ENPP3: variants seen among roughly 807,000 people sequenced by gnomAD.
ENPP3 encodes ectonucleotide pyrophosphatase/phosphodiesterase 3, also known as ectonucleotide pyrophosphatase/phosphodiesterase family member 3.
ENPP3 carries 104 observed loss-of-function variants against 117.8 expected under a neutral mutation model. That is an observed-to-expected ratio of 0.88 (90% CI 0.75 to 1.04). The LOEUF (loss-of-function observed/expected upper bound fraction) is 1.04, where lower values mean the gene tolerates loss of function less well. ENPP3 is among the 50% of genes least tolerant of loss of function. The pLI, the probability that ENPP3 is intolerant of heterozygous loss-of-function variation, is 0.00. For synonymous variants in ENPP3, 380 were observed against 349.9 expected, an observed-to-expected ratio of 1.09 and a Z score of -0.96; for missense variants, 1,026 against 1,051.9, an observed-to-expected ratio of 0.98 and a Z score of 0.34.
intron 2 of ENPP3, chr6:131,642,966 T>C (rs560942195): frequency 2.6e-5 from 4 of 152,302 alleles, no homozygotes; most frequent in African/African-American, 9.6e-5. Context: ...TGCACAAAGC[T>C]CTGGCCCCAT....
At chr6:131,691,732 C>G (rs1230018788) in intron 14 of ENPP3, among the ~76,000 whole-genome samples, 1 of 152,158 alleles carries the variant, frequency 6.6e-6, no homozygotes, top group Non-Finnish European at 1.5e-5. Context: ...TGGATTTACT[C>G]TGGCTACACA....
chr6:131,693,120 C>T (rs895347423), intron 14 of ENPP3, among the ~76,000 whole-genome samples: 11 of 143,186 alleles, frequency 7.7e-5, no homozygotes, highest in South Asian at 2.2e-4. Context: ...TGGTTATATA[C>T]ACACACACAC....
intron 14 of ENPP3, among the ~76,000 whole-genome samples, chr6:131,689,345 C>G (rs948826907): frequency 6.6e-6 from 1 of 152,050 alleles, no homozygotes; most frequent in African/African-American, 2.4e-5. Context: ...TTTTTAGGGG[C>G]TAATGCAGCT....
intron 15 of ENPP3, chr6:131,700,213 A>T: frequency 1.6e-5 from 2 of 126,836 alleles, no homozygotes; most frequent in Non-Finnish European, 1.3e-5. Flanking sequence ...GCTAATGAGG[A>T]TATTGTAAGG....
At chr6:131,682,337 T>C (rs1265755241) in intron 11 of ENPP3, among the ~76,000 whole-genome samples, 1 of 151,722 alleles carries the variant, frequency 6.6e-6, no homozygotes, top group East Asian at 2.0e-4. Flanking sequence ...CTACAAAAAA[T>C]TAAAGAATTA....
intron 12 of ENPP3, among the ~76,000 whole-genome samples, chr6:131,683,668 T>C (rs898981234): frequency 3.3e-5 from 5 of 151,954 alleles, no homozygotes; most frequent in Non-Finnish European, 7.4e-5. Context: ...TTAAAGGAAG[T>C]GAAACAGTGG....
Position 131,685,457 on chromosome 6 carries a change from G to T in ENPP3, c.1214G>T (p.Arg405Leu). The change falls in exon 13 of 25, where the codon CGC (arginine) becomes CTC (leucine). Residue 405 changes from arginine to leucine, a missense_variant. Coordinates refer to ENST00000357639, the MANE Select transcript of ENPP3 (RefSeq NM_005021.5). ...FFYMYEGPAP[R>L]IRAHNIPHDF... is the part of the protein sequence containing the mutation. ...TACATGTACGAAGGGCCTGCCCCCCGCATCCGAGCTCATAATATACCTCAT... is the reference window on the plus strand; with the variant it reads ...TACATGTACGAAGGGCCTGCCCCCCTCATCCGAGCTCATAATATACCTCAT... The T allele has an allele frequency of 3.1e-6, 5 of 1,613,710 alleles. No homozygotes were observed. Among genetic ancestry groups the T allele is most frequent in the Non-Finnish European group, 4.2e-6 (5 of 1,179,834 alleles).
In ENPP3 at chr6:131,737,427, T is replaced by A; in HGVS notation, c.2162T>A (p.Phe721Tyr). ...AATTTGGTACCTATGTATGAAGAAT[T>A]CAGAAGTAAGTATGAATTTAGAGTA... Reference protein sequence around the residue: ...TSNLVPMYEEFRKMWDYFHSV... With the variant: ...TSNLVPMYEEYRKMWDYFHSV... The change falls in exon 22 of 25, where the codon TTC (phenylalanine) becomes TAC (tyrosine). Residue 721 changes from phenylalanine (F) to tyrosine (Y), a missense_variant. Transcript: ENST00000357639. 1 of 1,542,816 alleles carries A rather than the reference T, an allele frequency of 6.5e-7. No individual in the cohort carries two copies. Among genetic ancestry groups the A allele is most frequent in the Non-Finnish European group, 9.0e-7 (1 of 1,117,312 alleles).
chr6:131,699,312 A>G (rs1306118642), intron 15 of ENPP3, among the ~76,000 whole-genome samples: 34 of 150,464 alleles, frequency 2.3e-4, no homozygotes, highest in African/African-American at 7.4e-4. Flanking sequence ...ACACTGAGTT[A>G]TTGTGTAAAA....
chr6:131,676,860 A>ATTT, intron 10 of ENPP3, 59 bp downstream of exon 10: 1 of 1,138,636 alleles, frequency 8.8e-7, no homozygotes, highest in African/African-American at 1.6e-5. Context: ...TAAAAAATGA[A>ATTT]GTTTTTTTTT....
At chr6:131,720,147 T>G (rs553483545) in intron 16 of ENPP3, 145 bp from the exon 17 acceptor site, 1 of 529,806 alleles carries the variant, frequency 1.9e-6, no homozygotes. Flanking sequence ...AATATGAAAA[T>G]CATTTTCAAA....
intron 19 of ENPP3, among the ~76,000 whole-genome samples, chr6:131,725,174 T>C (rs1287885067): frequency 1.3e-5 from 2 of 152,070 alleles, no homozygotes; most frequent in Non-Finnish European, 2.9e-5. Context: ...TGCAGTGAGC[T>C]GAGATCATGC....
At chr6:131,746,319 A>G (rs999605935) in intron 24 of ENPP3, among the ~76,000 whole-genome samples, 2 of 152,178 alleles carry the variant, frequency 1.3e-5, no homozygotes, top group African/African-American at 4.8e-5. Flanking sequence ...ACCTAGATAT[A>G]TCACTATAGA....
chr6:131,650,218 T>C, intron 3 of ENPP3, 69 bp downstream of exon 3: 2 of 1,568,354 alleles, frequency 1.3e-6, no homozygotes, highest in South Asian at 2.3e-5. Flanking sequence ...CAAATTTTTT[T>C]CTTTTCTTTC....
intron 6 of ENPP3, among the ~76,000 whole-genome samples, chr6:131,660,088 A>C (rs182365679): frequency 5.2e-4 from 79 of 152,342 alleles, no homozygotes; most frequent in Middle Eastern, 3.4e-3. Context: ...CTACCTAGGC[A>C]AAATAGGGCT....
Position 131,637,472 on chromosome 6 carries a change from A to T in ENPP3, c.78+10A>T. The T allele has an allele frequency of 6.9e-7, 1 of 1,452,388 alleles. No homozygotes were observed. Among genetic ancestry groups the T allele is most frequent in the Non-Finnish European group, 9.5e-7 (1 of 1,050,876 alleles). The allele number at this position is 1,452,388 out of a possible 1,614,324, so 90.0% of individuals were successfully genotyped here. On this transcript the variant is annotated intron_variant, in intron 1 of 24. Transcript: ENST00000357639. ...TAAAATAGCTTGCATTGTAAGTACA[A>T]TTCTTATTTTTAGTCTTTCTAGTTT...
chr6:131,723,738 C>A (rs1361441654), intron 18 of ENPP3, among the ~76,000 whole-genome samples: 1 of 151,834 alleles, frequency 6.6e-6, no homozygotes, highest in Non-Finnish European at 1.5e-5. Context: ...TGTCACCCAA[C>A]TTAGTCATTG....
rs1045477869 is a variant in ENPP3, at chr6:131,739,653, C to T, written c.2301-571C>T. On this transcript the variant is annotated intron_variant, in intron 23 of 24. Coordinates refer to ENST00000357639, the MANE Select transcript of ENPP3 (RefSeq NM_005021.5). ...ATTTTTTCATGTTAGAATGACCAAG[C>T]TTGGACTTCTACTGTAATCTCTATT... is the stretch of plus-strand genomic sequence containing the variant. Among the ~76,000 whole-genome samples the T allele has an allele frequency of 3.1e-5, 4 of 130,768 alleles. No homozygotes were observed. In the Admixed American group the frequency reaches 3.8e-4, roughly 12 times the overall value. The allele number at this position is 130,768 out of a possible 152,430, so 85.8% of individuals were successfully genotyped here. A position where few individuals can be genotyped will look rare whatever the true frequency, so the allele number is the denominator to read the frequency against.
intron 20 of ENPP3, among the ~76,000 whole-genome samples, chr6:131,728,819 C>T (rs1349030724): frequency 6.6e-6 from 1 of 152,042 alleles, no homozygotes; most frequent in Non-Finnish European, 1.5e-5. Context: ...AAATCATGGT[C>T]GTAGAACAGC....
Sources: allele counts gnomAD v4.1 joint callset (sites outside exome capture counted in the v4.1 genomes callset), GRCh38; gene constraint gnomAD v4.1.1; transcripts MANE v1.5; gene names NCBI Gene and HGNC (gene_info 2026-07-23, HGNC 2026-07-21).